The following FOXK2 variants were observed in gnomAD, a reference collection of about 807,000 sequenced individuals.
FOXK2 encodes the protein forkhead box K2.
In FOXK2, 24 loss-of-function variants were observed where a neutral mutation model predicts 53.3. That is an observed-to-expected ratio of 0.45 (90% CI 0.33 to 0.63). The LOEUF is 0.63. FOXK2 is among the 30% of genes least tolerant of loss of function. The pLI is 0.03. For synonymous variants in FOXK2, 505 were observed against 407.1 expected (o/e 1.24, Z -2.89); for missense variants, 952 against 910.5 (o/e 1.05, Z -0.59).
At chr17:82,538,030 C>T (rs1277412125) in intron 1 of FOXK2, among the ~76,000 whole-genome samples, 1 of 151,940 alleles carries the variant, frequency 6.6e-6, no homozygotes, top group Non-Finnish European at 1.5e-5. Context: ...TCGAGACTAG[C>T]TTGGCCAACA....
At chr17:82,576,660 A>G in intron 4 of FOXK2, 1 of 1,159,540 alleles carries the variant, frequency 8.6e-7, no homozygotes. Flanking sequence ...TGATTGACAC[A>G]ACGAAGTCAC....
chr17:82,584,200 G>T lies in FOXK2; in HGVS notation c.1279+12G>T. The T allele has an allele frequency of 6.3e-7, 1 of 1,578,660 alleles. No homozygotes were observed. On this transcript the variant is annotated intron_variant, in intron 6 of 8. Transcript: ENST00000335255. ...CCAGAGCGCCCCAGGTGAGACAGCG[G>T]GAGAGGAAGCGAGGGCCCCAACAGC...
At chr17:82,586,914 A>G (rs2045183206) in intron 7 of FOXK2, 149 bp from the exon 8 acceptor site, 1 of 754,742 alleles carries the variant, frequency 1.3e-6, no homozygotes, top group Admixed American at 2.8e-5. Context: ...AACAAAAAAA[A>G]GATTTGCTCA....
intron 8 of FOXK2, chr17:82,596,259 T>A: frequency 5.2e-6 from 5 of 958,894 alleles, no homozygotes; most frequent in Non-Finnish European, 6.2e-6. Flanking sequence ...ACTAGGGCAG[T>A]TGTTCGCTGA....
chr17:82,572,366 A>AGAT (rs1173133156), intron 4 of FOXK2, among the ~76,000 whole-genome samples: 1 of 152,238 alleles, frequency 6.6e-6, no homozygotes, highest in African/African-American at 2.4e-5. Context: ...GGTAAAAAAC[A>AGAT]GATGAACGTG....
At chr17:82,546,943 G>C (rs1262261649) in intron 1 of FOXK2, among the ~76,000 whole-genome samples, 1 of 151,950 alleles carries the variant, frequency 6.6e-6, no homozygotes, top group Non-Finnish European at 1.5e-5. Context: ...CGGGCGTGGT[G>C]GTGGGTGCCT....
intron 8 of FOXK2, 90 bp from the exon 9 acceptor site, chr17:82,601,213 A>C (rs1284410272): frequency 1.5e-6 from 2 of 1,366,472 alleles, no homozygotes; most frequent in Non-Finnish European, 1.0e-6. Context: ...TGGGGTTCTG[A>C]CTCGCGAGGG....
rs780826737 is a variant in FOXK2, at chr17:82,563,564, TG to T, written c.614+21del. 1 of 1,607,412 alleles carries T rather than the reference TG, an allele frequency of 6.2e-7. No individual in the cohort carries two copies. The highest frequency in any genetic ancestry group is 8.5e-7 in the Non-Finnish European group (1 of 1,176,722). ...GAACCATCAGGTGCGGCCATGGGGA[TG>T]GGGGACTGGAGCATCCTTAGTCCCA... On this transcript the variant is annotated intron_variant, in intron 2 of 8. Transcript: ENST00000335255.
chr17:82,520,140 G>GC lies in FOXK2; in HGVS notation c.257dup (p.Gly88ArgfsTer82). ...CCCGGCGCCACCTCGAGATCTTCACGCCCCCGGGCGGCGGCGGCCATGGCG... is the reference window on the plus strand; with the variant it reads ...CCCGGCGCCACCTCGAGATCTTCACGCCCCCCGGGCGGCGGCGGCCATGGCG... On this transcript the variant is annotated frameshift_variant, in exon 1 of 9. Transcript: ENST00000335255. LOFTEE classifies it high-confidence loss of function. 1.3e-6 allele frequency: 2 copies of GC among 1,526,652 alleles called. No homozygotes were observed. Among genetic ancestry groups the GC allele is most frequent in the South Asian group, 1.2e-5 (1 of 82,194 alleles). The allele number at this position is 1,526,652 out of a possible 1,614,324, so 94.6% of individuals were successfully genotyped here. A position where few individuals can be genotyped will look rare whatever the true frequency, so the allele number is the denominator to read the frequency against.
intron 7 of FOXK2, 43 bp downstream of exon 7, chr17:82,586,243 TGAAAGGTGGGCC>T (rs768319557): frequency 1.2e-6 from 1 of 868,664 alleles, no homozygotes; most frequent in East Asian, 4.7e-5. Context: ...CACAGGGAGG[TGAAAGGTGGGCC>T]GGGGGGGGAA....
At chr17:82,538,450 G>A (rs1039193212) in intron 1 of FOXK2, among the ~76,000 whole-genome samples, 11 of 152,110 alleles carry the variant, frequency 7.2e-5, no homozygotes, top group Non-Finnish European at 1.3e-4. Flanking sequence ...GTGCCGCTGC[G>A]CTCCAACCTG....
At chr17:82,579,003 G>C (rs1199285726) in intron 4 of FOXK2, among the ~76,000 whole-genome samples, 1 of 152,142 alleles carries the variant, frequency 6.6e-6, no homozygotes, top group Admixed American at 6.5e-5. Flanking sequence ...CTTCACTTCG[G>C]GGCTTGTTGA....
intron 1 of FOXK2, among the ~76,000 whole-genome samples, chr17:82,542,262 G>C: frequency 6.6e-6 from 1 of 151,062 alleles, no homozygotes; most frequent in African/African-American, 2.4e-5. Context: ...CCTGGGTTCA[G>C]GCAATTCTCC....
intron 1 of FOXK2, among the ~76,000 whole-genome samples, chr17:82,543,723 C>A (rs1274265094): frequency 6.6e-6 from 1 of 150,978 alleles, no homozygotes; most frequent in Non-Finnish European, 1.5e-5. Flanking sequence ...CTCAAGTGAT[C>A]CTGCTGCTGC....
At chr17:82,585,843 A>G in intron 6 of FOXK2, 61 bp from the exon 7 acceptor site, 1 of 1,540,754 alleles carries the variant, frequency 6.5e-7, no homozygotes, top group Admixed American at 1.7e-5. Flanking sequence ...GCTGAGTGTG[A>G]GAACCTTTGT....
At chr17:82,591,134 CA>C (rs1291075798) in intron 8 of FOXK2, among the ~76,000 whole-genome samples, 5 of 152,130 alleles carry the variant, frequency 3.3e-5, no homozygotes, top group Non-Finnish European at 2.9e-5. Context: ...CCTGGCCTTG[CA>C]GGACAGCAGG....
chr17:82,593,948 CGAGGAGG>C (rs1413512863), intron 8 of FOXK2: 4 of 152,296 alleles, frequency 2.6e-5, no homozygotes, highest in Non-Finnish European at 5.9e-5. Context: ...GCCACGCGGA[CGAGGAGG>C]TGCGAGGCCT....
At chr17:82,549,175 T>C (rs1343409289) in intron 1 of FOXK2, among the ~76,000 whole-genome samples, 1 of 152,108 alleles carries the variant, frequency 6.6e-6, no homozygotes, top group Non-Finnish European at 1.5e-5. Context: ...GGTGTGGCCC[T>C]TGCCTGTAGC....
At chr17:82,567,607 C>G (rs933574180) in intron 2 of FOXK2, among the ~76,000 whole-genome samples, 1 of 152,236 alleles carries the variant, frequency 6.6e-6, no homozygotes, top group Non-Finnish European at 1.5e-5. Context: ...CCTTGGCTGG[C>G]AGACCCCTCC....
Sources: allele counts gnomAD v4.1 joint callset (sites outside exome capture counted in the v4.1 genomes callset), GRCh38; gene constraint gnomAD v4.1.1; transcripts MANE v1.5; gene names NCBI Gene and HGNC (gene_info 2026-07-23, HGNC 2026-07-21).